The following COG5 variants were observed in gnomAD, a reference collection of about 807,000 sequenced individuals.
COG5 encodes the protein conserved oligomeric Golgi complex subunit 5.
Under a neutral mutation model 110.4 loss-of-function variants are expected in COG5, and 86 were observed. That is an observed-to-expected ratio of 0.78 (90% CI 0.65 to 0.93). The LOEUF (loss-of-function observed/expected upper bound fraction) is 0.93. COG5 is among the 40% of genes least tolerant of loss of function. COG5 has a pLI of 0.00. For missense variants in COG5, 1,077 were observed against 987.0 expected, an observed-to-expected ratio of 1.09 and a Z score of -1.22; for synonymous variants, 360 against 334.6, an observed-to-expected ratio of 1.08 and a Z score of -0.83.
intron 6 of COG5, among the ~76,000 whole-genome samples, chr7:107,494,061 A>G (rs944242482): frequency 6.6e-6 from 1 of 152,196 alleles, no homozygotes; most frequent in Non-Finnish European, 1.5e-5. Flanking sequence ...ACATTCTTAT[A>G]TCCGTTTGTT....
At chr7:107,491,818 A>T (rs545286380) in intron 6 of COG5, among the ~76,000 whole-genome samples, 1 of 152,268 alleles carries the variant, frequency 6.6e-6, no homozygotes, top group African/African-American at 2.4e-5. Context: ...AAAATCTTGA[A>T]TAAATATATT....
intron 6 of COG5, chr7:107,475,772 G>C (rs1163271890): frequency 6.0e-6 from 1 of 167,752 alleles, no homozygotes; most frequent in African/African-American, 2.4e-5. Flanking sequence ...AACTGGAGTA[G>C]CATTTTAATC....
intron 7 of COG5, among the ~76,000 whole-genome samples, chr7:107,377,375 T>C (rs1814726807): frequency 6.6e-6 from 1 of 152,216 alleles, no homozygotes; most frequent in African/African-American, 2.4e-5. Flanking sequence ...CTTAATATTG[T>C]CTTAACTTTT....
At chr7:107,441,393 T>C (rs949434490) in intron 6 of COG5, among the ~76,000 whole-genome samples, 2 of 152,164 alleles carry the variant, frequency 1.3e-5, no homozygotes, top group Non-Finnish European at 2.9e-5. Flanking sequence ...GGAACAATCT[T>C]AGGGGATTGA....
At chr7:107,335,051 A>G (rs1810588736) in intron 10 of COG5, among the ~76,000 whole-genome samples, 2 of 152,262 alleles carry the variant, frequency 1.3e-5, no homozygotes, top group South Asian at 4.1e-4. Context: ...GTGTTTTCTC[A>G]GTGAAAAAAA....
intron 6 of COG5, among the ~76,000 whole-genome samples, chr7:107,477,590 G>A (rs927162390): frequency 2.0e-5 from 3 of 151,684 alleles, no homozygotes; most frequent in African/African-American, 4.8e-5. Flanking sequence ...TTGACCATCC[G>A]TAATGATCTT....
intron 10 of COG5, among the ~76,000 whole-genome samples, chr7:107,352,173 G>C (rs1812208547): frequency 6.7e-6 from 1 of 149,384 alleles, no homozygotes; most frequent in East Asian, 2.0e-4. Flanking sequence ...CATGGATGAA[G>C]CTGGAAACCA....
intron 17 of COG5, among the ~76,000 whole-genome samples, chr7:107,244,939 A>G (rs748132947): frequency 1.3e-5 from 2 of 152,142 alleles, no homozygotes; most frequent in Non-Finnish European, 2.9e-5. Flanking sequence ...CTCCTCCCCA[A>G]CCCTCATTCT....
intron 1 of COG5, 68 bp from the exon 2 acceptor site, chr7:107,558,183 A>G: frequency 6.8e-7 from 1 of 1,478,908 alleles, no homozygotes; most frequent in Admixed American, 1.7e-5. Context: ...TAAACAACAG[A>G]ACAATTATAA....
rs536205527 is a variant in COG5, at chr7:107,206,303, C to T, written c.2376-2673G>A. On this transcript the variant is annotated intron_variant, in intron 21 of 21. Coordinates refer to ENST00000297135, the MANE Select transcript of COG5 (RefSeq NM_006348.5). ...TAAGTTCATACCATTACTCAGCTCA[C>T]ATACCCAGTTTCAAGTCCCAGCTAA... Among the ~76,000 whole-genome samples, 75 of 152,298 alleles carry T rather than the reference C, an allele frequency of 4.9e-4. 1 individual carries two copies. The highest frequency in any genetic ancestry group is 1.2e-3 in the Admixed American group (19 of 15,298).
chr7:107,228,615 C>T (rs1800541121), intron 19 of COG5, among the ~76,000 whole-genome samples: 1 of 151,894 alleles, frequency 6.6e-6, no homozygotes, highest in African/African-American at 2.4e-5. Context: ...ATAGCTTCAA[C>T]AAAATACTTA....
chr7:107,471,404 G>A (rs781322709), intron 6 of COG5: 2 of 151,916 alleles, frequency 1.3e-5, no homozygotes, highest in Non-Finnish European at 1.5e-5. Flanking sequence ...ATTTACAACT[G>A]ACAATATGAA....
At chr7:107,464,239 A>G (rs1796169761) in intron 6 of COG5, among the ~76,000 whole-genome samples, 1 of 152,142 alleles carries the variant, frequency 6.6e-6, no homozygotes, top group Non-Finnish European at 1.5e-5. Flanking sequence ...AAAGCTCCAC[A>G]TCCTCATTGC....
intron 6 of COG5, among the ~76,000 whole-genome samples, chr7:107,519,260 C>A (rs1241729735): frequency 6.6e-6 from 1 of 152,002 alleles, no homozygotes; most frequent in Non-Finnish European, 1.5e-5. Flanking sequence ...CAAAAGCAAA[C>A]AAACCCAAAA....
At chr7:107,513,955 G>A (rs901200996) in intron 6 of COG5, among the ~76,000 whole-genome samples, 8 of 151,902 alleles carry the variant, frequency 5.3e-5, no homozygotes, top group Admixed American at 3.3e-4. Flanking sequence ...GCTAAATGAC[G>A]AGTTAATGGG....
At chr7:107,516,090 T>TA (rs1799900959) in intron 6 of COG5, among the ~76,000 whole-genome samples, 1 of 152,246 alleles carries the variant, frequency 6.6e-6, no homozygotes, top group Admixed American at 6.5e-5. Context: ...ATCTACACTT[T>TA]GTAGTTTTAT....
chr7:107,296,504 G>A (rs931465966), intron 12 of COG5, among the ~76,000 whole-genome samples: 10 of 150,618 alleles, frequency 6.6e-5, no homozygotes, highest in African/African-American at 2.4e-4. Context: ...TTATAAAAGA[G>A]TTATTGAGAA....
At chr7:107,372,556 TA>T (rs748471320) in intron 8 of COG5, 38 bp downstream of exon 8, 2 of 1,598,112 alleles carry the variant, frequency 1.3e-6, no homozygotes, top group Non-Finnish European at 1.7e-6. Flanking sequence ...TTCTCAGTTA[TA>T]AATAAATAAA....
intron 6 of COG5, among the ~76,000 whole-genome samples, chr7:107,511,499 T>C (rs540243566): frequency 6.6e-6 from 1 of 152,278 alleles, no homozygotes; most frequent in South Asian, 2.1e-4. Flanking sequence ...CTTCTGAAAC[T>C]ATTCCAATCA....
Sources: gnomAD v4.1 joint callset for allele counts (sites outside exome capture counted in the v4.1 genomes callset) on GRCh38, gnomAD v4.1.1 for gene constraint, MANE v1.5 for transcripts, NCBI Gene and HGNC (gene_info 2026-07-23, HGNC 2026-07-21) for gene names.